Variants in LRP1B observed in about 807,000 individuals in gnomAD.
LRP1B encodes low-density lipoprotein receptor-related protein 1B.
In LRP1B, 217 loss-of-function variants were observed where a neutral mutation model predicts 556.6. That is an observed-to-expected ratio of 0.39 (90% CI 0.35 to 0.44). The LOEUF is 0.44. LRP1B is among the 20% of genes least tolerant of loss of function. The pLI is 1.00. For missense variants in LRP1B, 5,053 were observed against 5,620.8 expected, an observed-to-expected ratio of 0.90 and a Z score of 3.23; for synonymous variants, 2,047 against 1,865.8, an observed-to-expected ratio of 1.10 and a Z score of -2.50.
At chr2:140,474,589 T>C (rs1235424639) in intron 60 of LRP1B, among the ~76,000 whole-genome samples, 2 of 151,926 alleles carry the variant, frequency 1.3e-5, no homozygotes, top group African/African-American at 4.8e-5. Context: ...GTAATTTGAG[T>C]CATTTGTGGC....
At chr2:141,051,534 C>T (rs1225845332) in intron 10 of LRP1B, among the ~76,000 whole-genome samples, 1 of 151,870 alleles carries the variant, frequency 6.6e-6, no homozygotes, top group Non-Finnish European at 1.5e-5. Flanking sequence ...AAACTGATAA[C>T]ATATTTTAAT....
intron 2 of LRP1B, among the ~76,000 whole-genome samples, chr2:141,543,807 T>C (rs1685358808): frequency 6.6e-6 from 1 of 151,900 alleles, no homozygotes. Flanking sequence ...TGAGTGTTTA[T>C]CATGGGCAAG....
At chr2:141,409,660 A>G (rs1227604433) in intron 3 of LRP1B, among the ~76,000 whole-genome samples, 2 of 152,108 alleles carry the variant, frequency 1.3e-5, no homozygotes, top group African/African-American at 2.4e-5. Flanking sequence ...TCCTACTGTT[A>G]TGGAACTTAC....
intron 15 of LRP1B, among the ~76,000 whole-genome samples, chr2:140,996,126 T>A (rs1201839539): frequency 6.6e-6 from 1 of 152,000 alleles, no homozygotes; most frequent in Non-Finnish European, 1.5e-5. Context: ...GCAATCAGGG[T>A]AAAATCTTAG....
At chr2:140,268,247 C>A (rs1205742250) in intron 86 of LRP1B, among the ~76,000 whole-genome samples, 1 of 151,914 alleles carries the variant, frequency 6.6e-6, no homozygotes, top group Admixed American at 6.6e-5. Context: ...TCTCTTCATT[C>A]TTTTCTCTGG....
In LRP1B at chr2:140,971,692, G is replaced by A. The variant is rs560859009; in HGVS notation, c.2887+10468C>T. Among the ~76,000 whole-genome samples the A allele has an allele frequency of 1.2e-4, 18 of 152,212 alleles. 1 individual carries two copies. The highest frequency in any genetic ancestry group is 3.9e-4 in the African/African-American group (16 of 41,532). ...TACTAACAATACAAAAAATTAGCCG[G>A]GCATGGTGGCGGGCGCCTGTAGTCC... On this transcript the variant is annotated intron_variant, in intron 18 of 90. Transcript: ENST00000389484.
chr2:141,314,837 T>C (rs62165661), intron 3 of LRP1B, among the ~76,000 whole-genome samples: 3 of 133,228 alleles, frequency 2.3e-5, no homozygotes, highest in South Asian at 2.5e-4. Context: ...TGTGTATATA[T>C]ATATATACAC....
intron 32 of LRP1B, among the ~76,000 whole-genome samples, chr2:140,787,304 C>T (rs922953192): frequency 6.6e-6 from 1 of 152,072 alleles, no homozygotes; most frequent in South Asian, 2.1e-4. Flanking sequence ...CCTCAATTTA[C>T]TTCTTCTATC....
At chr2:140,908,884 C>T (rs1694337010) in intron 21 of LRP1B, among the ~76,000 whole-genome samples, 1 of 152,174 alleles carries the variant, frequency 6.6e-6, no homozygotes, top group Non-Finnish European at 1.5e-5. Context: ...ACTACAACCT[C>T]CGCCTCCCAG....
intron 3 of LRP1B, among the ~76,000 whole-genome samples, chr2:141,324,407 T>G (rs1023600489): frequency 6.6e-6 from 1 of 152,186 alleles, no homozygotes; most frequent in Non-Finnish European, 1.5e-5. Context: ...AAATACTTTT[T>G]GCTCCTGTCA....
At chr2:140,905,250 A>G (rs898381159) in intron 22 of LRP1B, among the ~76,000 whole-genome samples, 2 of 151,794 alleles carry the variant, frequency 1.3e-5, no homozygotes, top group African/African-American at 4.8e-5. Context: ...CTGGGCCACA[A>G]ATACATACTA....
intron 3 of LRP1B, among the ~76,000 whole-genome samples, chr2:141,396,628 A>T (rs1690245632): frequency 6.6e-6 from 1 of 152,158 alleles, no homozygotes; most frequent in Non-Finnish European, 1.5e-5. Context: ...CAGGAATAAA[A>T]TTGTAGATGT....
chr2:141,678,456 TGTTGCCAACAA>T (rs1384287128), intron 2 of LRP1B, among the ~76,000 whole-genome samples: 1 of 152,180 alleles, frequency 6.6e-6, no homozygotes, highest in Non-Finnish European at 1.5e-5. Context: ...CTATATTGAA[TGTTGCCAACAA>T]GTCAATTAAG....
intron 84 of LRP1B, among the ~76,000 whole-genome samples, chr2:140,280,266 AGC>A (rs1201314301): frequency 4.6e-5 from 7 of 151,832 alleles, no homozygotes; most frequent in Non-Finnish European, 1.0e-4. Flanking sequence ...AGTAATTAGT[AGC>A]ACTAAAATAA....
intron 1 of LRP1B, among the ~76,000 whole-genome samples, chr2:142,062,398 T>G (rs1704953262): frequency 6.6e-6 from 1 of 151,744 alleles, no homozygotes; most frequent in South Asian, 2.1e-4. Context: ...CCTATTCACA[T>G]CTACCATGAA....
intron 3 of LRP1B, among the ~76,000 whole-genome samples, chr2:141,336,986 C>T (rs1051322868): frequency 5.9e-5 from 9 of 152,100 alleles, no homozygotes; most frequent in Non-Finnish European, 1.2e-4. Context: ...GTTATGAGTA[C>T]AGTTACTGTA....
intron 3 of LRP1B, among the ~76,000 whole-genome samples, chr2:141,267,732 G>A (rs1265985477): frequency 6.6e-6 from 1 of 152,102 alleles, no homozygotes; most frequent in Non-Finnish European, 1.5e-5. Context: ...TACCCAATAA[G>A]GGAATTTCTC....
chr2:140,303,538 C>A (rs532703362), intron 83 of LRP1B, among the ~76,000 whole-genome samples: 1 of 152,164 alleles, frequency 6.6e-6, no homozygotes, highest in African/African-American at 2.4e-5. Flanking sequence ...TGAGACACCA[C>A]ACCTAGCCCA....
At chr2:140,523,418 C>G (rs1690268622) in intron 49 of LRP1B, among the ~76,000 whole-genome samples, 1 of 151,796 alleles carries the variant, frequency 6.6e-6, no homozygotes, top group African/African-American at 2.4e-5. Flanking sequence ...AGCCCAAAGC[C>G]AATCTCAAAT....
Sources: allele counts gnomAD v4.1 joint callset (sites outside exome capture counted in the v4.1 genomes callset), GRCh38; gene constraint gnomAD v4.1.1; transcripts MANE v1.5; gene names NCBI Gene and HGNC (gene_info 2026-07-23, HGNC 2026-07-21).